Variants in JAM3 observed in about 807,000 individuals in gnomAD.
JAM3 encodes the protein junctional adhesion molecule 3, also known as junctional adhesion molecule C.
In JAM3, 31 loss-of-function variants were observed where a neutral mutation model predicts 39.4. That is an observed-to-expected ratio of 0.79 (90% CI 0.59 to 1.06). JAM3 has a LOEUF of 1.06. Ranked by LOEUF, JAM3 falls within the 50% of genes least tolerant of loss-of-function variation. JAM3 has a pLI of 0.00. For missense variants in JAM3, 455 were observed against 391.4 expected (o/e 1.16, Z -1.37); for synonymous variants, 182 against 148.7 (o/e 1.22, Z -1.63).
chr11:134,092,102 G>A (rs1336458708), intron 1 of JAM3, among the ~76,000 whole-genome samples: 2 of 152,106 alleles, frequency 1.3e-5, no homozygotes, highest in African/African-American at 2.4e-5. Flanking sequence ...GTGCAAAGCC[G>A]AAAGCCTTGA....
At chr11:134,130,585 A>G (rs1942751364) in intron 1 of JAM3, among the ~76,000 whole-genome samples, 1 of 152,198 alleles carries the variant, frequency 6.6e-6, no homozygotes, top group Admixed American at 6.5e-5. Context: ...AAGCTCTGAA[A>G]TCAGTCAAAC....
chr11:134,125,191 G>A (rs1942622590), intron 1 of JAM3, among the ~76,000 whole-genome samples: 1 of 152,228 alleles, frequency 6.6e-6, no homozygotes, highest in African/African-American at 2.4e-5. Flanking sequence ...CACCGCCGCT[G>A]CACGGGCAGC....
chr11:134,081,398 C>A (rs1041105894), intron 1 of JAM3, among the ~76,000 whole-genome samples: 1 of 152,152 alleles, frequency 6.6e-6, no homozygotes, highest in Non-Finnish European at 1.5e-5. Context: ...TTTCATGGGC[C>A]GGGCCCAGGG....
chr11:134,142,413 G>A (rs948383697), intron 3 of JAM3, among the ~76,000 whole-genome samples: 11 of 152,204 alleles, frequency 7.2e-5, no homozygotes, highest in African/African-American at 2.2e-4. Context: ...TGTTGCCAAC[G>A]TCTGTGCTCC....
At chr11:134,114,444 C>T (rs1186304360) in intron 1 of JAM3, among the ~76,000 whole-genome samples, 1 of 152,122 alleles carries the variant, frequency 6.6e-6, no homozygotes, top group Non-Finnish European at 1.5e-5. Flanking sequence ...ATAGGGAATC[C>T]TTTCCCCATT....
chr11:134,122,407 T>C (rs34478348), intron 1 of JAM3, among the ~76,000 whole-genome samples: 8,574 of 152,308 alleles, frequency 0.056, 341 homozygotes, highest in Non-Finnish European at 0.085. Flanking sequence ...ACCTGCTTTG[T>C]CCATGCAGCC....
intron 1 of JAM3, among the ~76,000 whole-genome samples, chr11:134,069,873 A>G (rs1235841838): frequency 1.3e-5 from 2 of 152,176 alleles, no homozygotes; most frequent in Admixed American, 6.5e-5. Flanking sequence ...AATAAAATGG[A>G]TATCAATCCA....
chr11:134,119,390 C>T (rs1441367933), intron 1 of JAM3, among the ~76,000 whole-genome samples: 1 of 152,188 alleles, frequency 6.6e-6, no homozygotes, highest in Non-Finnish European at 1.5e-5. Context: ...ACTGGAAGAG[C>T]TTTTCATATA....
intron 1 of JAM3, among the ~76,000 whole-genome samples, chr11:134,132,175 C>T (rs1217871139): frequency 6.6e-6 from 1 of 151,944 alleles, no homozygotes; most frequent in Non-Finnish European, 1.5e-5. Context: ...TTAAAAGCAC[C>T]CAGAGAGAGG....
At chr11:134,148,896 C>A in intron 8 of JAM3, 78 bp downstream of exon 8, 1 of 1,450,248 alleles carries the variant, frequency 6.9e-7, no homozygotes, top group South Asian at 1.2e-5. Context: ...CCACACGGGT[C>A]TCCTGGGAAG....
At chr11:134,130,848 G>A (rs904941124) in intron 1 of JAM3, among the ~76,000 whole-genome samples, 6 of 152,118 alleles carry the variant, frequency 3.9e-5, no homozygotes, top group African/African-American at 1.2e-4. Context: ...CTAATGCAAG[G>A]TGCTTGTCTC....
intron 1 of JAM3, among the ~76,000 whole-genome samples, chr11:134,136,337 A>G (rs866880785): frequency 5.9e-5 from 9 of 152,192 alleles, no homozygotes; most frequent in African/African-American, 2.2e-4. Context: ...TCTCCTAAGT[A>G]CTTCTGTCCG....
chr11:134,070,494 C>T (rs1375057317), intron 1 of JAM3, among the ~76,000 whole-genome samples: 1 of 152,138 alleles, frequency 6.6e-6, no homozygotes, highest in Admixed American at 6.5e-5. Flanking sequence ...TGAGTTTTAG[C>T]GTATAGATTA....
Position 134,144,803 on chromosome 11 carries a change from A to T in JAM3, c.421A>T (p.Thr141Ser), listed in dbSNP as rs1206824688. The T allele has an allele frequency of 6.2e-7, 1 of 1,613,830 alleles. No homozygotes were observed. ...IELTVQVKPV[T>S]PVCRVPKAVP... Reference sequence around the variant, plus strand: ...CTTTTTCCCCACAGTGAAGCCAGTGACCCCTGTCTGTAGAGTGCCGAAGGC... The same window carrying T: ...CTTTTTCCCCACAGTGAAGCCAGTGTCCCCTGTCTGTAGAGTGCCGAAGGC... Residue 141 changes from threonine to serine, a missense_variant, in exon 5 of 9, where the codon ACC becomes TCC. Coordinates refer to ENST00000299106, the MANE Select transcript of JAM3 (RefSeq NM_032801.5).
At chr11:134,130,595 C>A (rs1301576386) in intron 1 of JAM3, among the ~76,000 whole-genome samples, 1 of 152,090 alleles carries the variant, frequency 6.6e-6, no homozygotes, top group Non-Finnish European at 1.5e-5. Context: ...ATCAGTCAAA[C>A]GAAGATTATA....
intron 1 of JAM3, among the ~76,000 whole-genome samples, chr11:134,100,665 C>T (rs555155962): frequency 1.3e-5 from 2 of 152,248 alleles, no homozygotes; most frequent in African/African-American, 4.8e-5. Context: ...GCATTCTCTG[C>T]GTCAGGTCCT....
At chr11:134,095,998 A>G (rs1331124774) in intron 1 of JAM3, among the ~76,000 whole-genome samples, 2 of 152,136 alleles carry the variant, frequency 1.3e-5, no homozygotes, top group Non-Finnish European at 2.9e-5. Flanking sequence ...TGTTTTTTTG[A>G]GATGGAGCCT....
At chr11:134,116,237 T>C (rs917466699) in intron 1 of JAM3, among the ~76,000 whole-genome samples, 1 of 152,198 alleles carries the variant, frequency 6.6e-6, no homozygotes, top group Non-Finnish European at 1.5e-5. Context: ...GCTATTCAAG[T>C]ATTCTGATAA....
At chr11:134,124,442 TTATCA>T in intron 1 of JAM3, 1 of 529,098 alleles carries the variant, frequency 1.9e-6, no homozygotes, top group Non-Finnish European at 3.4e-6. Context: ...AAAATGCCTA[TTATCA>T]ATCAGTGTTT....
Sources: gnomAD v4.1 joint callset for allele counts (sites outside exome capture counted in the v4.1 genomes callset) on GRCh38, gnomAD v4.1.1 for gene constraint, MANE v1.5 for transcripts, NCBI Gene and HGNC (gene_info 2026-07-23, HGNC 2026-07-21) for gene names.